The following MLLT3 variants were observed in gnomAD, a reference collection of about 807,000 sequenced individuals.
MLLT3 encodes MLLT3 super elongation complex subunit, also known as protein AF-9.
A neutral mutation model predicts 53.2 loss-of-function variants in MLLT3; 4 were observed. That is an observed-to-expected ratio of 0.08 (90% CI 0.04 to 0.17). MLLT3 has a LOEUF of 0.17. Among genes scored for constraint, MLLT3 ranks in the 10% least tolerant of loss-of-function variants. The pLI is 1.00. For synonymous variants in MLLT3, 283 were observed against 230.6 expected (o/e 1.23, Z -2.06); for missense variants, 569 against 684.0 (o/e 0.83, Z 1.87).
chr9:20,607,518 G>A (rs568116731), intron 2 of MLLT3, among the ~76,000 whole-genome samples: 2 of 152,078 alleles, frequency 1.3e-5, no homozygotes, highest in South Asian at 4.1e-4. Flanking sequence ...TCCAAATGCT[G>A]GCAAATAGAA....
intron 5 of MLLT3, among the ~76,000 whole-genome samples, chr9:20,388,359 C>A (rs528525141): frequency 6.6e-6 from 1 of 152,102 alleles, no homozygotes; most frequent in Admixed American, 6.6e-5. Flanking sequence ...GAGGCTGAGG[C>A]GTGCAGATCA....
chr9:20,622,391 T>C lies in MLLT3; in HGVS notation c.-135A>G, dbSNP rs1470108954. The C allele has an allele frequency of 1.3e-5, 10 of 790,600 alleles. No individual in the cohort carries two copies. The highest frequency in any genetic ancestry group is 2.7e-4 in the Middle Eastern group (1 of 3,684). 49.0% of individuals were successfully genotyped at this position (790,600 alleles called of 1,614,324 possible). ...AGCGGAGGGTAGATGGCGGACATTC[T>C]CTGCCTTTTTCCCCCCGCGCTCGCT... On this transcript the variant is annotated 5_prime_UTR_variant, in exon 1 of 11. Coordinates refer to ENST00000380338, the MANE Select transcript of MLLT3 (RefSeq NM_004529.4).
chr9:20,441,016 C>G (rs941613508), intron 4 of MLLT3, among the ~76,000 whole-genome samples: 2 of 152,158 alleles, frequency 1.3e-5, no homozygotes, highest in African/African-American at 2.4e-5. Flanking sequence ...CCTTCCAATA[C>G]TGACAACTAA....
At chr9:20,593,673 A>G (rs1563835009) in intron 2 of MLLT3, among the ~76,000 whole-genome samples, 1 of 152,126 alleles carries the variant, frequency 6.6e-6, no homozygotes. Context: ...ATTCCTGTGA[A>G]CCAACCAGTG....
intron 2 of MLLT3, among the ~76,000 whole-genome samples, chr9:20,547,339 ACT>A (rs1272447055): frequency 6.6e-6 from 1 of 151,776 alleles, no homozygotes; most frequent in East Asian, 2.0e-4. Flanking sequence ...CGGCCCTCAT[ACT>A]GTCTTTAAAA....
At chr9:20,555,224 C>A (rs1287689121) in intron 2 of MLLT3, among the ~76,000 whole-genome samples, 2 of 152,156 alleles carry the variant, frequency 1.3e-5, no homozygotes, top group Non-Finnish European at 2.9e-5. Flanking sequence ...ACTGGATTCT[C>A]TGGTTTATTT....
At chr9:20,468,439 G>GCC (rs765227768) in intron 2 of MLLT3, among the ~76,000 whole-genome samples, 9 of 152,092 alleles carry the variant, frequency 5.9e-5, no homozygotes, top group Non-Finnish European at 1.3e-4. Flanking sequence ...ACACTAATCA[G>GCC]CCCACCTAGA....
At chr9:20,503,543 T>A (rs1240723586) in intron 2 of MLLT3, among the ~76,000 whole-genome samples, 1 of 151,978 alleles carries the variant, frequency 6.6e-6, no homozygotes, top group Non-Finnish European at 1.5e-5. Flanking sequence ...AAAAATCAAC[T>A]CAAAATGGAC....
intron 5 of MLLT3, among the ~76,000 whole-genome samples, chr9:20,368,353 G>C (rs1821508591): frequency 6.6e-6 from 1 of 152,176 alleles, no homozygotes; most frequent in Non-Finnish European, 1.5e-5. Context: ...AAAAGTGCCT[G>C]CAAATGATAT....
intron 8 of MLLT3, 31 bp from the exon 9 acceptor site, chr9:20,354,910 T>G (rs771191037): frequency 1.3e-6 from 2 of 1,553,260 alleles, no homozygotes; most frequent in East Asian, 2.2e-5. Context: ...TGTGTTAAAT[T>G]TTATTTCAAG....
In MLLT3 at chr9:20,573,188, G is replaced by T. The variant is rs1214743167; in HGVS notation, c.193+47466C>A. ...GTTTTTGTTTGTTTTTTTTTGTTTT[G>T]TTTTTTTTTTTTGAGACAGTCTCAC... On this transcript the variant is annotated intron_variant, in intron 2 of 10. Coordinates refer to ENST00000380338, the MANE Select transcript of MLLT3 (RefSeq NM_004529.4). 3.3e-3 allele frequency among the ~76,000 whole-genome samples: 466 copies of T among 141,494 alleles called. 1 individual carries two copies. Among genetic ancestry groups the T allele is most frequent in the African/African-American group, 0.011 (399 of 37,516 alleles). The allele number at this position is 141,494 out of a possible 152,430, so 92.8% of individuals were successfully genotyped here. A position where few individuals can be genotyped will look rare whatever the true frequency, so the allele number is the denominator to read the frequency against.
intron 4 of MLLT3, among the ~76,000 whole-genome samples, chr9:20,420,640 T>C (rs988528223): frequency 1.3e-5 from 2 of 152,168 alleles, no homozygotes; most frequent in Non-Finnish European, 2.9e-5. Flanking sequence ...ACAGACACAG[T>C]ATAATTGACC....
chr9:20,523,990 G>A (rs932139857), intron 2 of MLLT3, among the ~76,000 whole-genome samples: 1 of 151,058 alleles, frequency 6.6e-6, no homozygotes, highest in Non-Finnish European at 1.5e-5. Flanking sequence ...AAAAGCCACA[G>A]ACACACACAG....
chr9:20,531,408 T>C (rs370606969), intron 2 of MLLT3, among the ~76,000 whole-genome samples: 1 of 152,206 alleles, frequency 6.6e-6, no homozygotes, highest in African/African-American at 2.4e-5. Context: ...AGTGCTGGGA[T>C]TACAGGTGTG....
chr9:20,425,462 G>A (rs746647919), intron 4 of MLLT3, among the ~76,000 whole-genome samples: 2 of 152,010 alleles, frequency 1.3e-5, no homozygotes, highest in Non-Finnish European at 2.9e-5. Context: ...CTTCACAAAT[G>A]TACTTTATCC....
intron 2 of MLLT3, among the ~76,000 whole-genome samples, chr9:20,562,508 CTT>C (rs1819242456): frequency 6.6e-6 from 1 of 152,080 alleles, no homozygotes; most frequent in African/African-American, 2.4e-5. Flanking sequence ...CCAATGGACC[CTT>C]AGCACCAGCA....
chr9:20,547,205 T>C (rs1226679846), intron 2 of MLLT3, among the ~76,000 whole-genome samples: 2 of 152,124 alleles, frequency 1.3e-5, no homozygotes, highest in East Asian at 1.9e-4. Flanking sequence ...CATATACTTT[T>C]TTTTTTCCTG....
intron 2 of MLLT3, among the ~76,000 whole-genome samples, chr9:20,550,152 G>A (rs147500712): frequency 1.3e-5 from 2 of 152,104 alleles, no homozygotes; most frequent in Non-Finnish European, 2.9e-5. Flanking sequence ...CTAATCCCAC[G>A]TAACAAGGTT....
chr9:20,418,841 T>C lies in MLLT3; in HGVS notation c.421-4416A>G, dbSNP rs567386864. Among the ~76,000 whole-genome samples, 6 of 152,292 alleles carry C rather than the reference T, an allele frequency of 3.9e-5. No homozygotes were observed. The East Asian group carries it at 1.2e-3, about 29-fold the overall frequency. Reference sequence around the variant, plus strand: ...AGCCTTCCCAGCACTCAGAAGGCACTTGATACAGGAGGAGAGTCTGCTCTT... The same window carrying C: ...AGCCTTCCCAGCACTCAGAAGGCACCTGATACAGGAGGAGAGTCTGCTCTT... On this transcript the variant is annotated intron_variant, in intron 4 of 10. Transcript: ENST00000380338.
Sources: gnomAD v4.1 joint callset for allele counts (sites outside exome capture counted in the v4.1 genomes callset) on GRCh38, gnomAD v4.1.1 for gene constraint, MANE v1.5 for transcripts, NCBI Gene and HGNC (gene_info 2026-07-23, HGNC 2026-07-21) for gene names.